Variants in DLGAP2 observed in about 807,000 individuals in gnomAD.
The protein encoded by DLGAP2 is disks large-associated protein 2.
A neutral mutation model predicts 100.3 loss-of-function variants in DLGAP2; 26 were observed. The observed-to-expected ratio is 0.26, with a 90% CI of 0.19 to 0.36. The LOEUF is 0.36. DLGAP2 is among the 10% of genes least tolerant of loss of function. The pLI is 1.00. For synonymous variants in DLGAP2, 886 were observed against 630.1 expected (o/e 1.41, Z -6.08); for missense variants, 1,858 against 1,453.2 (o/e 1.28, Z -4.53).
intron 3 of DLGAP2, among the ~76,000 whole-genome samples, chr8:1,322,311 A>G (rs982357998): frequency 6.6e-6 from 1 of 152,258 alleles, no homozygotes; most frequent in Non-Finnish European, 1.5e-5. Flanking sequence ...CGAAATCTCA[A>G]ACTTAAAATG....
chr8:1,106,949 A>T (rs12547185), intron 2 of DLGAP2, among the ~76,000 whole-genome samples: 60,396 of 151,986 alleles, frequency 0.4, 13,277 homozygotes, highest in Non-Finnish European at 0.51. Context: ...AACATCTCAG[A>T]CGTATTTTCT....
intron 6 of DLGAP2, among the ~76,000 whole-genome samples, chr8:1,594,920 CACTG>C (rs1003606289): frequency 1.6e-4 from 25 of 152,354 alleles, no homozygotes; most frequent in African/African-American, 5.8e-4. Flanking sequence ...TCCTGCCACT[CACTG>C]GGGTCTCCAG....
At chr8:1,447,488 C>A (rs950715537) in intron 3 of DLGAP2, among the ~76,000 whole-genome samples, 1 of 152,092 alleles carries the variant, frequency 6.6e-6, no homozygotes, top group African/African-American at 2.4e-5. Flanking sequence ...TTCGGTTTGC[C>A]AGTATTTTAT....
At chr8:1,081,995 C>T (rs1803827237) in intron 2 of DLGAP2, among the ~76,000 whole-genome samples, 1 of 152,134 alleles carries the variant, frequency 6.6e-6, no homozygotes, top group Admixed American at 6.5e-5. Flanking sequence ...GAAAAGAAGA[C>T]AGCGAAACTG....
chr8:1,251,725 C>A (rs1209150164), intron 2 of DLGAP2, among the ~76,000 whole-genome samples: 1 of 152,340 alleles, frequency 6.6e-6, no homozygotes, highest in South Asian at 2.1e-4. Context: ...AGCCATGTGG[C>A]CACGTTGTCA....
chr8:1,345,551 T>C (rs935822285), intron 3 of DLGAP2, among the ~76,000 whole-genome samples: 1 of 152,240 alleles, frequency 6.6e-6, no homozygotes, highest in Non-Finnish European at 1.5e-5. Flanking sequence ...TAAGCCATCT[T>C]TATTGTCTTA....
intron 1 of DLGAP2, among the ~76,000 whole-genome samples, chr8:856,552 C>T (rs1462459948): frequency 6.6e-6 from 1 of 152,094 alleles, no homozygotes; most frequent in Non-Finnish European, 1.5e-5. Flanking sequence ...GGTTAATATG[C>T]AAAGGTCAGT....
chr8:1,165,148 G>A (rs190446777), intron 2 of DLGAP2, among the ~76,000 whole-genome samples: 1 of 149,692 alleles, frequency 6.7e-6, no homozygotes, highest in Non-Finnish European at 1.5e-5. Flanking sequence ...AAGACAGAGA[G>A]GGGGAGAGGA....
intron 6 of DLGAP2, among the ~76,000 whole-genome samples, chr8:1,620,976 C>T (rs937432470): frequency 6.6e-6 from 1 of 152,204 alleles, no homozygotes; most frequent in African/African-American, 2.4e-5. Flanking sequence ...ATGCTCACTC[C>T]CCGCCTCCCA....
chr8:1,431,203 C>A (rs912016467), intron 3 of DLGAP2, among the ~76,000 whole-genome samples: 1 of 152,134 alleles, frequency 6.6e-6, no homozygotes, highest in Non-Finnish European at 1.5e-5. Flanking sequence ...TGTTACAGGC[C>A]GTTAGCAAAA....
At chr8:1,075,602 C>T (rs188094391) in intron 2 of DLGAP2, among the ~76,000 whole-genome samples, 11 of 152,298 alleles carry the variant, frequency 7.2e-5, no homozygotes, top group Admixed American at 3.9e-4. Flanking sequence ...AGACATACTG[C>T]GCACTGGTTG....
intron 3 of DLGAP2, among the ~76,000 whole-genome samples, chr8:1,304,594 G>C (rs1216823373): frequency 6.6e-6 from 1 of 152,124 alleles, no homozygotes; most frequent in Non-Finnish European, 1.5e-5. Flanking sequence ...AAAAAGATGA[G>C]TACAATTGTT....
chr8:1,419,201 CGTGCGT>C (rs1368853003), intron 3 of DLGAP2, among the ~76,000 whole-genome samples: 4,454 of 133,400 alleles, frequency 0.033, 180 homozygotes, highest in African/African-American at 0.1. Context: ...CACTCTGATG[CGTGCGT>C]GTGTGTGTGT....
chr8:757,658 G>C (rs946755954), intron 1 of DLGAP2, among the ~76,000 whole-genome samples: 1 of 152,196 alleles, frequency 6.6e-6, no homozygotes, highest in African/African-American at 2.4e-5. Flanking sequence ...GGTTGGGATC[G>C]TACGGGACCA....
In DLGAP2 at chr8:811,879, C is replaced by T. The variant is rs115146338; in HGVS notation, c.18+74054C>T. Among the ~76,000 whole-genome samples the T allele has an allele frequency of 5.6e-3, 860 of 152,380 alleles. 8 individuals are homozygous for T. The highest frequency in any genetic ancestry group is 0.019 in the African/African-American group (807 of 41,592). On this transcript the variant is annotated intron_variant, in intron 1 of 14. Coordinates refer to ENST00000637795, the MANE Select transcript of DLGAP2 (RefSeq NM_001346810.2). ...GGACCAAACTGACTCTGAGGCTCTGCACTTTGCCTTCCTGGGAGCCAGTAA... is the reference window on the plus strand; with the variant it reads ...GGACCAAACTGACTCTGAGGCTCTGTACTTTGCCTTCCTGGGAGCCAGTAA...
chr8:1,557,034 C>T lies in DLGAP2; in HGVS notation c.1230+7351C>T, dbSNP rs3793419. Among the ~76,000 whole-genome samples the T allele has an allele frequency of 4.0e-4, 59 of 147,584 alleles. No homozygotes were observed. The East Asian group carries it at 9.5e-3, about 24-fold the overall frequency. ...CACCCAGCGTTTCTCAAGCTCAGCA[C>T]GGGGGTGGGGGCTGGGAGACGCTTG... On this transcript the variant is annotated intron_variant, in intron 5 of 14. Coordinates refer to ENST00000637795, the MANE Select transcript of DLGAP2 (RefSeq NM_001346810.2).
At chr8:1,689,172 G>T (rs1305572346) in intron 12 of DLGAP2, among the ~76,000 whole-genome samples, 1 of 152,210 alleles carries the variant, frequency 6.6e-6, no homozygotes, top group Non-Finnish European at 1.5e-5. Context: ...TTCTGGAAAG[G>T]CTGTCTAGGC....
chr8:1,517,053 G>C (rs901437704), intron 4 of DLGAP2, among the ~76,000 whole-genome samples: 4 of 152,116 alleles, frequency 2.6e-5, no homozygotes, highest in African/African-American at 9.7e-5. Flanking sequence ...ACCAGGAATC[G>C]AGGTTCAGTA....
At chr8:951,669 T>A (rs989060766) in intron 2 of DLGAP2, among the ~76,000 whole-genome samples, 2 of 152,222 alleles carry the variant, frequency 1.3e-5, no homozygotes, top group African/African-American at 2.4e-5. Flanking sequence ...GTGTACTGCG[T>A]GGCATGCTGT....
Sources: gnomAD v4.1 joint callset for allele counts (sites outside exome capture counted in the v4.1 genomes callset) on GRCh38, gnomAD v4.1.1 for gene constraint, MANE v1.5 for transcripts, NCBI Gene and HGNC (gene_info 2026-07-23, HGNC 2026-07-21) for gene names.